SCLY: variants seen among roughly 807,000 people sequenced by gnomAD.
SCLY encodes the protein selenocysteine lyase.
Under a neutral mutation model 50.1 loss-of-function variants are expected in SCLY, and 38 were observed. The ratio of observed to expected loss-of-function variants is 0.76; its 90% CI spans 0.59 to 0.99. The LOEUF (loss-of-function observed/expected upper bound fraction) is 0.99, where lower values mean the gene tolerates loss of function less well. Ranked by LOEUF, SCLY falls within the 50% of genes least tolerant of loss-of-function variation. The pLI is 0.00. For missense variants in SCLY, 600 were observed against 620.0 expected (o/e 0.97, Z 0.34); for synonymous variants, 243 against 249.4 (o/e 0.97, Z 0.24).
chr2:238,093,663 G>A (rs1451781007), intron 8 of SCLY, 198 bp from the exon 9 acceptor site: 1 of 608,374 alleles, frequency 1.6e-6, no homozygotes, highest in African/African-American at 1.8e-5. Flanking sequence ...GCCTGGTGCT[G>A]TCAGGAGGTA....
chr2:238,098,501 C>T lies in SCLY; in HGVS notation c.*146C>T, dbSNP rs1691298168. ...GTCCTGGAGTGCCAGCGAGTGTGCACCCCCAGTTTCCTTCCCTGGACCCCT... is the reference window on the plus strand; with the variant it reads ...GTCCTGGAGTGCCAGCGAGTGTGCATCCCCAGTTTCCTTCCCTGGACCCCT... On this transcript the variant is annotated 3_prime_UTR_variant, in exon 12 of 12. Transcript: ENST00000254663. The T allele has an allele frequency of 1.1e-6, 1 of 923,874 alleles. No homozygotes were observed. The highest frequency in any genetic ancestry group is 1.6e-6 in the Non-Finnish European group (1 of 635,144). The allele number at this position is 923,874 out of a possible 1,614,324, so 57.2% of individuals were successfully genotyped here.
chr2:238,062,038 G>C (rs1048869601), intron 1 of SCLY, among the ~76,000 whole-genome samples: 1 of 152,158 alleles, frequency 6.6e-6, no homozygotes, highest in African/African-American at 2.4e-5. Context: ...ATCCCCTAGG[G>C]AATCAGTGGA....
Position 238,082,045 on chromosome 2 carries a change from C to T in SCLY, c.613C>T (p.Pro205Ser), listed in dbSNP as rs1401794053. ...LANNETGIVMPVPEISQRIKA... is the reference protein window; with the variant it reads ...LANNETGIVMSVPEISQRIKA... ...CTCAACTGTTTCCTTTCCCCGTCAG[C>T]CTGTCCCTGAAATCAGTCAGCGCAT... The change falls in exon 6 of 12, where the codon CCT (proline) becomes TCT (serine). Residue 205 changes from proline (P) to serine (S), a missense_variant and splice_region_variant. Coordinates refer to ENST00000254663, the MANE Select transcript of SCLY (RefSeq NM_016510.7). 2 of 1,611,868 alleles carry T rather than the reference C, an allele frequency of 1.2e-6. No individual in the cohort carries two copies. The highest frequency in any genetic ancestry group is 2.7e-5 in the African/African-American group (2 of 75,048).
intron 8 of SCLY, chr2:238,091,548 A>AACC: frequency 3.1e-6 from 1 of 327,516 alleles, no homozygotes. Context: ...CTGCAGGTTC[A>AACC]CCATTCCCAA....
chr2:238,083,231 C>A lies in SCLY; in HGVS notation c.778-17C>A, dbSNP rs761584623. On this transcript the variant is annotated splice_polypyrimidine_tract_variant and intron_variant, in intron 6 of 11. Coordinates refer to ENST00000254663, the MANE Select transcript of SCLY (RefSeq NM_016510.7). This position sits in a 1 kb window ranked among gnomAD's most constrained non-coding sequence, Gnocchi z 4.3. ...TGGAAAGTTCTTGTTGAATAAATGA[C>A]CAACTTTTCCTTCCAGTTTTATGGT... 1.9e-6 allele frequency: 3 copies of A among 1,576,964 alleles called. No individual in the cohort carries two copies. Among genetic ancestry groups the A allele is most frequent in the Admixed American group, 3.3e-5 (2 of 59,946 alleles).
At chr2:238,074,008 A>G (rs1208950349) in intron 4 of SCLY, among the ~76,000 whole-genome samples, 1 of 152,118 alleles carries the variant, frequency 6.6e-6, no homozygotes, top group Non-Finnish European at 1.5e-5. Context: ...TTTGTTGTTA[A>G]GTTTGCAGGG....
At position 238,083,341 on chromosome 2, in the gene SCLY, A is replaced by G; in HGVS notation, c.871A>G (p.Asn291Asp). 6.2e-7 allele frequency: 1 copy of G among 1,610,892 alleles called. No individual in the cohort carries two copies. The highest frequency in any genetic ancestry group is 1.1e-5 in the South Asian group (1 of 91,018). ...PMLFGGGQER[N>D]FRPGTENTPM... ...GCTATTTGGAGGTGGACAAGAACGG[A>G]ATTTCAGGCCAGGGTAAGGCAGAAA... Residue 291 changes from asparagine to aspartate, a missense_variant, in exon 7 of 12, where the codon AAT becomes GAT. Transcript: ENST00000254663. This position sits in a 1 kb window ranked among gnomAD's most constrained non-coding sequence, Gnocchi z 4.3.
chr2:238,098,150 T>G (rs1293643442), intron 11 of SCLY, 52 bp from the exon 12 acceptor site: 1 of 1,585,062 alleles, frequency 6.3e-7, no homozygotes, highest in Non-Finnish European at 8.6e-7. Flanking sequence ...GGGGGCTGTG[T>G]CTCTTCCATG....
rs773561488 is a variant in SCLY at position 238,099,187 on chromosome 2, C to T, written c.*832C>T. 20 of 463,516 alleles carry T rather than the reference C, an allele frequency of 4.3e-5. No individual in the cohort carries two copies. In the East Asian group the frequency reaches 1.3e-3, roughly 31 times the overall value. The allele number at this position is 463,516 out of a possible 1,614,324, so 28.7% of individuals were successfully genotyped here. A position where few individuals can be genotyped will look rare whatever the true frequency, so the allele number is the denominator to read the frequency against. On this transcript the variant is annotated 3_prime_UTR_variant, in exon 12 of 12. Coordinates refer to ENST00000254663, the MANE Select transcript of SCLY (RefSeq NM_016510.7). ...TCCAGGTCATTCCTGGGGTGGGAAT[C>T]GGATCATCCCTGACTCAGCTTTTAC...
chr2:238,091,314 G>C (rs1409532766), intron 8 of SCLY, 60 bp downstream of exon 8: 1 of 1,375,956 alleles, frequency 7.3e-7, no homozygotes, highest in Admixed American at 1.7e-5. Context: ...GTCCCCAGCG[G>C]CTCTAGTAGG....
chr2:238,095,666 C>G (rs551408029), intron 10 of SCLY: 2 of 152,178 alleles, frequency 1.3e-5, no homozygotes, highest in Admixed American at 1.3e-4. Flanking sequence ...TGTCAACGTT[C>G]CCCTTGTTCT....
intron 7 of SCLY, among the ~76,000 whole-genome samples, chr2:238,088,417 C>G (rs759000620): frequency 1.3e-5 from 2 of 152,208 alleles, no homozygotes; most frequent in Non-Finnish European, 2.9e-5. Flanking sequence ...GCTGAGATGG[C>G]AGCACCACAC....
intron 10 of SCLY, 65 bp from the exon 11 acceptor site, chr2:238,096,736 G>A (rs902387933): frequency 1.2e-5 from 18 of 1,534,454 alleles, no homozygotes; most frequent in Middle Eastern, 3.4e-4. Flanking sequence ...GCAGGACCCC[G>A]GGAAGGGACA....
chr2:238,075,491 A>G (rs886088697), intron 4 of SCLY, among the ~76,000 whole-genome samples: 3 of 152,168 alleles, frequency 2.0e-5, no homozygotes, highest in East Asian at 3.8e-4. Context: ...TTTGCCAATG[A>G]CAACATCTGG....
intron 8 of SCLY, chr2:238,091,544 G>GC: frequency 2.4e-6 from 1 of 413,812 alleles, no homozygotes. Flanking sequence ...CAAGCTGCAG[G>GC]TTCACCATTC....
intron 11 of SCLY, among the ~76,000 whole-genome samples, chr2:238,097,743 C>T (rs780440087): frequency 3.3e-4 from 50 of 152,228 alleles, no homozygotes; most frequent in Non-Finnish European, 5.6e-4. Context: ...TTCAGGATGT[C>T]CCCACGCAGT....
In SCLY at chr2:238,067,531, C is replaced by T. The variant is rs1032459471; in HGVS notation, c.203-534C>T. ...CTAGCCAGTGAAACTGGGTGATGGCCGGATGCATAGCCCTGTTTGAAAGCA... is the reference window on the plus strand; with the variant it reads ...CTAGCCAGTGAAACTGGGTGATGGCTGGATGCATAGCCCTGTTTGAAAGCA... On this transcript the variant is annotated intron_variant, in intron 2 of 11. Transcript: ENST00000254663. The surrounding 1 kb of genome is among the most constrained non-coding windows in gnomAD (Gnocchi z 4.3). Among the ~76,000 whole-genome samples, 4 of 152,320 alleles carry T rather than the reference C, an allele frequency of 2.6e-5. No homozygotes were observed. The highest frequency in any genetic ancestry group is 2.1e-4 in the South Asian group (1 of 4,828).
At chr2:238,070,405 G>T (rs1441083261) in intron 4 of SCLY, among the ~76,000 whole-genome samples, 1 of 152,128 alleles carries the variant, frequency 6.6e-6, no homozygotes, top group African/African-American at 2.4e-5. Flanking sequence ...TTGGCTGGGC[G>T]CAGTGGCTCA....
At position 238,083,761 on chromosome 2, in the gene SCLY, C is replaced by T. The variant is rs959538234; in HGVS notation, c.884+407C>T. 2.6e-5 allele frequency among the ~76,000 whole-genome samples: 4 copies of T among 152,164 alleles called. No homozygotes were observed. The highest frequency in any genetic ancestry group is 5.9e-5 in the Non-Finnish European group (4 of 68,034). On this transcript the variant is annotated intron_variant, in intron 7 of 11. Coordinates refer to ENST00000254663, the MANE Select transcript of SCLY (RefSeq NM_016510.7). This position sits in a 1 kb window ranked among gnomAD's most constrained non-coding sequence, Gnocchi z 4.3. Reference sequence around the variant, plus strand: ...CCTGTGTCCCCTCTATGTATAGTGACGTGTTAACTGGGAAATTAGTTGTTG... The same window carrying T: ...CCTGTGTCCCCTCTATGTATAGTGATGTGTTAACTGGGAAATTAGTTGTTG...
Sources: gnomAD v4.1 joint callset for allele counts (sites outside exome capture counted in the v4.1 genomes callset) on GRCh38, gnomAD v4.1.1 for gene constraint, Gnocchi (gnomAD v3.1) non-coding constraint, MANE v1.5 for transcripts, NCBI Gene and HGNC (gene_info 2026-07-23, HGNC 2026-07-21) for gene names.